The following ERC1 variants were observed in gnomAD, a reference collection of about 807,000 sequenced individuals.
ERC1 encodes RAB6 interacting protein 2.
In ERC1, 56 loss-of-function variants were observed where a neutral mutation model predicts 132.0. The observed-to-expected ratio is 0.42, with a 90% CI of 0.34 to 0.53. The LOEUF (loss-of-function observed/expected upper bound fraction) is 0.53. ERC1 is among the 20% of genes least tolerant of loss of function. The pLI is 0.03. For synonymous variants in ERC1, 478 were observed against 476.1 expected (o/e 1.00, Z -0.05); for missense variants, 1,202 against 1,349.9 (o/e 0.89, Z 1.72).
intron 13 of ERC1, among the ~76,000 whole-genome samples, chr12:1,259,504 A>ATT (rs2077008119): frequency 1.7e-5 from 2 of 120,984 alleles, no homozygotes; most frequent in African/African-American, 6.8e-5. Context: ...TGTCTTGGGT[A>ATT]TCTCTTTCTT....
At chr12:1,144,635 C>CGTATATATATATATATATATATATAT (rs1566075478) in intron 8 of ERC1, among the ~76,000 whole-genome samples, 4 of 136,490 alleles carry the variant, frequency 2.9e-5, no homozygotes, top group African/African-American at 1.3e-4. Context: ...TATATATATA[C>CGTATATATATATATATATATATATAT]GTGTATATAT....
chr12:1,357,920 G>T (rs1218245737), intron 15 of ERC1, among the ~76,000 whole-genome samples: 1 of 152,156 alleles, frequency 6.6e-6, no homozygotes, highest in African/African-American at 2.4e-5. Flanking sequence ...ATTTTGATAG[G>T]ATTTGAGTAA....
intron 18 of ERC1, among the ~76,000 whole-genome samples, chr12:1,471,438 A>T (rs1481118686): frequency 6.6e-6 from 1 of 152,236 alleles, no homozygotes; most frequent in Non-Finnish European, 1.5e-5. Flanking sequence ...TTAAGATATG[A>T]GTATGTTGGT....
intron 3 of ERC1, among the ~76,000 whole-genome samples, chr12:1,102,761 G>C (rs966116603): frequency 6.6e-6 from 1 of 152,202 alleles, no homozygotes; most frequent in African/African-American, 2.4e-5. Context: ...ATATGTTAGA[G>C]GGTAAGTGCT....
chr12:1,356,163 C>T (rs1006497444), intron 15 of ERC1, among the ~76,000 whole-genome samples: 14 of 149,800 alleles, frequency 9.3e-5, no homozygotes, highest in African/African-American at 3.2e-4. Context: ...GAGATCACAC[C>T]ACTGCACTCC....
chr12:1,131,083 AT>A (rs1948718995), intron 7 of ERC1, among the ~76,000 whole-genome samples: 1 of 152,228 alleles, frequency 6.6e-6, no homozygotes, highest in Non-Finnish European at 1.5e-5. Flanking sequence ...ATTCTTAAAA[AT>A]GTCTCATTCT....
At chr12:1,198,259 T>G (rs1956529455) in intron 12 of ERC1, among the ~76,000 whole-genome samples, 1 of 152,180 alleles carries the variant, frequency 6.6e-6, no homozygotes, top group Non-Finnish European at 1.5e-5. Context: ...CTTTGGTCTT[T>G]CCATGTTCGA....
At chr12:1,005,473 G>T (rs1328192989) in intron 1 of ERC1, among the ~76,000 whole-genome samples, 1 of 152,108 alleles carries the variant, frequency 6.6e-6, no homozygotes, top group Non-Finnish European at 1.5e-5. Context: ...AATTTAGGCT[G>T]AACCTTTGCT....
At chr12:1,160,427 A>G (rs1464733794) in intron 8 of ERC1, among the ~76,000 whole-genome samples, 8 of 152,202 alleles carry the variant, frequency 5.3e-5, no homozygotes, top group Admixed American at 2.0e-4. Flanking sequence ...ATGTTCTTCA[A>G]TAAGACCCTT....
At chr12:1,465,211 G>A (rs1335856253) in intron 18 of ERC1, among the ~76,000 whole-genome samples, 2 of 152,182 alleles carry the variant, frequency 1.3e-5, no homozygotes, top group African/African-American at 4.8e-5. Context: ...CCTTGTGAAT[G>A]CCAAAGAGAC....
chr12:1,484,102 A>C (rs77294710), intron 18 of ERC1, among the ~76,000 whole-genome samples: 10 of 144,412 alleles, frequency 6.9e-5, no homozygotes, highest in African/African-American at 2.3e-4. Flanking sequence ...TCAGGAGATC[A>C]AGACCTTCCT....
chr12:1,372,106 G>A, intron 16 of ERC1, 129 bp downstream of exon 16: 1 of 1,153,624 alleles, frequency 8.7e-7, no homozygotes, highest in Non-Finnish European at 1.2e-6. Context: ...GAGCTAGTTA[G>A]TTTCCATCAT....
At chr12:1,255,875 G>A (rs1270858095) in intron 13 of ERC1, among the ~76,000 whole-genome samples, 3 of 151,368 alleles carry the variant, frequency 2.0e-5, no homozygotes, top group African/African-American at 4.9e-5. Context: ...TCCTGACCTC[G>A]TGATCCGCCC....
chr12:1,370,865 C>T (rs2087143190), intron 15 of ERC1, among the ~76,000 whole-genome samples: 1 of 152,050 alleles, frequency 6.6e-6, no homozygotes, highest in Non-Finnish European at 1.5e-5. Context: ...GTAGCTGGGA[C>T]CAGAAGCGTG....
intron 12 of ERC1, among the ~76,000 whole-genome samples, chr12:1,216,825 A>G (rs891660013): frequency 9.9e-5 from 15 of 152,166 alleles, no homozygotes; most frequent in African/African-American, 3.4e-4. Flanking sequence ...GTGAGGCCTG[A>G]GGCATATAAA....
chr12:1,423,216 C>A (rs2092492167), intron 17 of ERC1, among the ~76,000 whole-genome samples: 1 of 152,204 alleles, frequency 6.6e-6, no homozygotes, highest in African/African-American at 2.4e-5. Context: ...ATCCAAAAAA[C>A]ATTACTGCCC....
At chr12:1,447,452 G>GCTAAAATGAGCTGAGATCGTGC (rs2093330700) in intron 18 of ERC1, among the ~76,000 whole-genome samples, 1 of 151,436 alleles carries the variant, frequency 6.6e-6, no homozygotes, top group Non-Finnish European at 1.5e-5. Flanking sequence ...GGCAGTCGTG[G>GCTAAAATGAGCTGAGATCGTGC]CTACAATGAG....
intron 17 of ERC1, among the ~76,000 whole-genome samples, chr12:1,420,589 G>A (rs1231196806): frequency 3.3e-5 from 5 of 152,048 alleles, no homozygotes; most frequent in African/African-American, 9.7e-5. Context: ...CCGAGTAGCT[G>A]GGACTACAGG....
At chr12:1,275,482 A>G (rs1375076835) in intron 14 of ERC1, among the ~76,000 whole-genome samples, 1 of 152,218 alleles carries the variant, frequency 6.6e-6, no homozygotes, top group Admixed American at 6.5e-5. Context: ...AATTATATGA[A>G]GAATAAATAG....
Sources: allele counts gnomAD v4.1 joint callset (sites outside exome capture counted in the v4.1 genomes callset), GRCh38; gene constraint gnomAD v4.1.1; transcripts MANE v1.5; gene names NCBI Gene and HGNC (gene_info 2026-07-23, HGNC 2026-07-21).